Variants in NOVA1 observed in about 807,000 individuals in gnomAD.
The protein encoded by NOVA1 is RNA-binding protein Nova-1.
Under a neutral mutation model 38.0 loss-of-function variants are expected in NOVA1, and 7 were observed. The ratio of observed to expected loss-of-function variants is 0.18; its 90% CI spans 0.10 to 0.35. The LOEUF is 0.35. NOVA1 is among the 10% of genes least tolerant of loss of function. NOVA1 has a pLI of 1.00. For synonymous variants in NOVA1, 270 were observed against 232.5 expected (o/e 1.16, Z -1.47); for missense variants, 460 against 616.0 (o/e 0.75, Z 2.68).
intron 2 of NOVA1, among the ~76,000 whole-genome samples, chr14:26,592,525 T>A (rs923961257): frequency 6.6e-6 from 1 of 151,570 alleles, no homozygotes; most frequent in Non-Finnish European, 1.5e-5. Flanking sequence ...GATCATTTTA[T>A]CTGATTGCAG....
At chr14:26,544,712 T>C (rs1380255839) in intron 2 of NOVA1, among the ~76,000 whole-genome samples, 1 of 151,066 alleles carries the variant, frequency 6.6e-6, no homozygotes, top group South Asian at 2.1e-4. Context: ...AAGAAAAAAA[T>C]TGAGAAGAAA....
rs559368384 is a variant in NOVA1 at position 26,563,188 on chromosome 14, AGAAG to A, written c.280+32218_280+32221del. 1.1e-4 allele frequency among the ~76,000 whole-genome samples: 17 copies of A among 152,016 alleles called. 1 individual carries two copies. Among genetic ancestry groups the A allele is most frequent in the South Asian group, 2.1e-4 (1 of 4,818 alleles). On this transcript the variant is annotated intron_variant, in intron 2 of 4. Coordinates refer to ENST00000539517, the MANE Select transcript of NOVA1 (RefSeq NM_002515.3). ...AAAAGACTAAAACCAGAAGAAAGAA[AGAAG>A]GAAGGAAGGAAGGAAGGAAACTCAG... is the stretch of plus-strand genomic sequence containing the variant.
chr14:26,515,166 C>T (rs1193550117), intron 2 of NOVA1, among the ~76,000 whole-genome samples: 1 of 151,756 alleles, frequency 6.6e-6, no homozygotes, highest in East Asian at 1.9e-4. Flanking sequence ...CATTTTATTC[C>T]TTATTCCATT....
At chr14:26,515,443 A>C (rs1428433671) in intron 2 of NOVA1, among the ~76,000 whole-genome samples, 1 of 152,014 alleles carries the variant, frequency 6.6e-6, no homozygotes, top group African/African-American at 2.4e-5. Flanking sequence ...ATTCACTAGT[A>C]GTCGTCAATT....
At chr14:26,547,541 A>G (rs183355359) in intron 2 of NOVA1, among the ~76,000 whole-genome samples, 4 of 152,136 alleles carry the variant, frequency 2.6e-5, no homozygotes, top group Non-Finnish European at 4.4e-5. Context: ...TATCATCTAC[A>G]TAAAGTCTAA....
In NOVA1 at chr14:26,553,154, A is replaced by C. The variant is rs376955170; in HGVS notation, c.280+42256T>G. ...ACTACTAGGCAAGACAGGTAAAAGAACATAATGAGATATCAGGTAGCACTT... is the reference window on the plus strand; with the variant it reads ...ACTACTAGGCAAGACAGGTAAAAGACCATAATGAGATATCAGGTAGCACTT... On this transcript the variant is annotated intron_variant, in intron 2 of 4. Coordinates refer to ENST00000539517, the MANE Select transcript of NOVA1 (RefSeq NM_002515.3). Among the ~76,000 whole-genome samples, 26 of 152,332 alleles carry C rather than the reference A, an allele frequency of 1.7e-4. No individual in the cohort carries two copies. The Middle Eastern group carries it at 0.01, about 60-fold the overall frequency.
intron 4 of NOVA1, among the ~76,000 whole-genome samples, chr14:26,456,906 A>G (rs554957705): frequency 6.6e-6 from 1 of 151,984 alleles, no homozygotes; most frequent in African/African-American, 2.4e-5. Flanking sequence ...TTATAAAATG[A>G]TGTAGAAAAT....
At chr14:26,527,819 G>T (rs931448148) in intron 2 of NOVA1, among the ~76,000 whole-genome samples, 1 of 152,166 alleles carries the variant, frequency 6.6e-6, no homozygotes, top group Non-Finnish European at 1.5e-5. Flanking sequence ...CAATAGTGTG[G>T]CCTTTAGAGT....
intron 1 of NOVA1, chr14:26,596,507 ATGT>A (rs1195371151): frequency 1.6e-6 from 2 of 1,263,402 alleles, no homozygotes; most frequent in Non-Finnish European, 2.1e-6. Context: ...AATGTTCCAA[ATGT>A]TGTGGTGTGC....
At chr14:26,520,691 T>G (rs935354129) in intron 2 of NOVA1, among the ~76,000 whole-genome samples, 1 of 152,148 alleles carries the variant, frequency 6.6e-6, no homozygotes, top group Admixed American at 6.5e-5. Flanking sequence ...GTACTAATTT[T>G]GGGGTTTTAA....
rs1456752384 is a variant in NOVA1 at position 26,447,007 on chromosome 14, A to G, written c.*952T>C. On this transcript the variant is annotated 3_prime_UTR_variant, in exon 5 of 5. Coordinates refer to ENST00000539517, the MANE Select transcript of NOVA1 (RefSeq NM_002515.3). ...ATACTAATAGGTTTCTAGTGTTAAC[A>G]AATTATACACAATTATAAGCTCTTA... 6.5e-6 allele frequency: 1 copy of G among 152,686 alleles called. No homozygotes were observed. The highest frequency in any genetic ancestry group is 1.9e-4 in the East Asian group (1 of 5,190). The allele number at this position is 152,686 out of a possible 1,614,324, so 9.5% of individuals were successfully genotyped here.
rs952803352 is a variant in NOVA1, at chr14:26,528,216, G to T, written c.281-48073C>A. ...AATTTTCAAGTAGTAAAGTACTGGGGTTGGAAGACTCTAACCTGTTGACTC... is the reference window on the plus strand; with the variant it reads ...AATTTTCAAGTAGTAAAGTACTGGGTTTGGAAGACTCTAACCTGTTGACTC... On this transcript the variant is annotated intron_variant, in intron 2 of 4. Coordinates refer to ENST00000539517, the MANE Select transcript of NOVA1 (RefSeq NM_002515.3). Among the ~76,000 whole-genome samples the T allele has an allele frequency of 3.9e-5, 6 of 152,142 alleles. No individual in the cohort carries two copies. In the East Asian group the frequency reaches 1.2e-3, roughly 29 times the overall value.
chr14:26,516,898 C>T (rs974046851), intron 2 of NOVA1, among the ~76,000 whole-genome samples: 9 of 124,538 alleles, frequency 7.2e-5, no homozygotes, highest in Admixed American at 6.3e-4. Context: ...AGCTCTCTGA[C>T]TTTGCCTCTT....
At chr14:26,503,396 A>G (rs909716130) in intron 2 of NOVA1, among the ~76,000 whole-genome samples, 2 of 152,112 alleles carry the variant, frequency 1.3e-5, no homozygotes, top group African/African-American at 4.8e-5. Flanking sequence ...GACTAATGTA[A>G]TCATCCAATG....
intron 3 of NOVA1, among the ~76,000 whole-genome samples, chr14:26,476,034 T>C (rs144607898): frequency 2.6e-5 from 4 of 152,312 alleles, no homozygotes; most frequent in African/African-American, 9.6e-5. Context: ...ACTGAAGTAA[T>C]CACCTTCCCA....
At chr14:26,468,265 G>A (rs1380320254) in intron 4 of NOVA1, among the ~76,000 whole-genome samples, 6 of 151,650 alleles carry the variant, frequency 4.0e-5, no homozygotes, top group East Asian at 1.9e-4. Flanking sequence ...AGAGTTGCCT[G>A]TAGCCAATAG....
At chr14:26,508,523 C>T (rs1234504012) in intron 2 of NOVA1, among the ~76,000 whole-genome samples, 4 of 149,640 alleles carry the variant, frequency 2.7e-5, no homozygotes, top group Non-Finnish European at 4.5e-5. Context: ...TAAATACCAA[C>T]ATTAAACCAA....
intron 2 of NOVA1, among the ~76,000 whole-genome samples, chr14:26,590,914 G>T (rs1203626325): frequency 6.6e-6 from 1 of 151,502 alleles, no homozygotes; most frequent in African/African-American, 2.4e-5. Context: ...ATAAATTAAT[G>T]ATGTCTTATA....
chr14:26,451,738 A>G (rs895473305), intron 4 of NOVA1, among the ~76,000 whole-genome samples: 1 of 152,200 alleles, frequency 6.6e-6, no homozygotes, highest in Admixed American at 6.5e-5. Context: ...TCTTCCAAAA[A>G]TATCCATATT....
Sources: allele counts gnomAD v4.1 joint callset (sites outside exome capture counted in the v4.1 genomes callset), GRCh38; gene constraint gnomAD v4.1.1; transcripts MANE v1.5; gene names NCBI Gene and HGNC (gene_info 2026-07-23, HGNC 2026-07-21).